Variants in PIWIL1 observed in about 807,000 individuals in gnomAD.
PIWIL1 encodes the protein piwi like RNA-mediated gene silencing 1.
In PIWIL1, 73 loss-of-function variants were observed where a neutral mutation model predicts 114.4. The ratio of observed to expected loss-of-function variants is 0.64; its 90% confidence interval spans 0.53 to 0.78. The LOEUF (loss-of-function observed/expected upper bound fraction) is 0.78. Among genes scored for constraint, PIWIL1 ranks in the 30% least tolerant of loss-of-function variants. The probability of loss-of-function intolerance (pLI) is 0.00; values close to 1 mark genes in which losing one functional copy is unlikely to be tolerated. For synonymous variants in PIWIL1, 375 were observed against 369.0 expected, an observed-to-expected ratio of 1.02 and a Z score of -0.19; for missense variants, 723 against 1,063.1, an observed-to-expected ratio of 0.68 and a Z score of 4.45.
the PIWIL1 span, among the ~76,000 whole-genome samples, chr12:130,393,845 G>A: frequency 3.3e-5 from 5 of 152,214 alleles, no homozygotes; most frequent in African/African-American, 1.2e-4. Context: ...GATAGAGACT[G>A]CAGCCCCCAC....
the PIWIL1 span, among the ~76,000 whole-genome samples, chr12:130,379,033 GA>G: frequency 6.6e-6 from 1 of 152,214 alleles, no homozygotes. Context: ...ATGCATGGTT[GA>G]AAATGTAATT....
the PIWIL1 span, among the ~76,000 whole-genome samples, chr12:130,411,324 C>T: frequency 6.6e-6 from 1 of 152,058 alleles, no homozygotes; most frequent in African/African-American, 2.4e-5. Context: ...CCTTCATTTC[C>T]AGTCTGTACA....
chr12:130,408,190 A>G, the PIWIL1 span, among the ~76,000 whole-genome samples: 1 of 152,176 alleles, frequency 6.6e-6, no homozygotes, highest in African/African-American at 2.4e-5. Flanking sequence ...GGCCCTGCAG[A>G]GTGCACGGTT....
chr12:130,407,906 C>G, the PIWIL1 span: 1 of 1,294,838 alleles, frequency 7.7e-7, no homozygotes, highest in African/African-American at 1.4e-5. Context: ...CCTTCCGGGT[C>G]ACACATGGCC....
At chr12:130,424,654 A>AG in the PIWIL1 span, 2 of 1,231,534 alleles carry the variant, frequency 1.6e-6, no homozygotes, top group African/African-American at 3.1e-5. The surrounding 1 kb of genome is among the most constrained non-coding windows in gnomAD (Gnocchi z 9.8). Context: ...TCGCCCCTGT[A>AG]GGGCCTGCCG....
the PIWIL1 span, among the ~76,000 whole-genome samples, chr12:130,388,604 T>TAAA: frequency 5.1e-3 from 776 of 152,366 alleles, 1 homozygote; most frequent in Non-Finnish European, 7.7e-3. Flanking sequence ...TTATCCCATT[T>TAAA]ACTTGAGTTT....
chr12:130,359,208 A>G (rs2136171591), intron 14 of PIWIL1, among the ~76,000 whole-genome samples: 1 of 152,332 alleles, frequency 6.6e-6, no homozygotes, highest in South Asian at 2.1e-4. Context: ...GTAGCAAAAT[A>G]GAGCCAGACT....
the PIWIL1 span, among the ~76,000 whole-genome samples, chr12:130,421,694 T>TGTGTGTGTGTGTG: frequency 6.6e-5 from 5 of 75,880 alleles, no homozygotes; most frequent in Middle Eastern, 0.017. Flanking sequence ...CATTTATATG[T>TGTGTGTGTGTGTG]GTGTGTGTGT....
the PIWIL1 span, chr12:130,426,060 AG>A: frequency 6.6e-6 from 1 of 152,304 alleles, no homozygotes; most frequent in African/African-American, 2.4e-5. Flanking sequence ...AACCATCCTT[AG>A]AGGACAGGGA....
chr12:130,394,365 G>A, the PIWIL1 span, among the ~76,000 whole-genome samples: 2 of 152,200 alleles, frequency 1.3e-5, no homozygotes, highest in African/African-American at 4.8e-5. Context: ...GGAGGTGCAC[G>A]GAGCCAGCCA....
In PIWIL1 at chr12:130,352,157, G is replaced by A. The variant is rs73448185; in HGVS notation, c.1044+2190G>A. The stretch of plus-strand genomic sequence containing the variant: ...GAAATAATTAATGAAAGAGGTTGAC[G>A]TTAAGATATTTAAAAGAATCAAAGC... On this transcript the variant is annotated intron_variant, in intron 9 of 20. Transcript: ENST00000245255. 6.3e-3 allele frequency among the ~76,000 whole-genome samples: 956 copies of A among 152,212 alleles called. 5 individuals carry two copies. Among genetic ancestry groups the A allele is most frequent in the African/African-American group, 0.013 (557 of 41,514 alleles).
exon 21 of PIWIL1, chr12:130,372,597 C>CAAA (rs60262232): frequency 5.9e-5 from 4 of 67,912 alleles, no homozygotes; most frequent in Admixed American, 1.6e-4. Flanking sequence ...GACTCCGTCT[C>CAAA]AAAAAAAAAA....
At chr12:130,400,050 A>G in the PIWIL1 span, among the ~76,000 whole-genome samples, 2 of 152,258 alleles carry the variant, frequency 1.3e-5, no homozygotes, top group East Asian at 1.9e-4. Flanking sequence ...GAGCTGAGGA[A>G]TCTGCCTTTT....
rs910648764 is a variant in PIWIL1, at chr12:130,338,139, G to C, written c.-20G>C. 7 of 307,226 alleles carry C rather than the reference G, an allele frequency of 2.3e-5. No homozygotes were observed. Among genetic ancestry groups the C allele is most frequent in the African/African-American group, 1.6e-4 (7 of 42,516 alleles). 19.0% of individuals were successfully genotyped at this position (307,226 alleles called of 1,614,324 possible). On this transcript the variant is annotated 5_prime_UTR_variant, in exon 1 of 21. Coordinates refer to ENST00000245255, the MANE Select transcript of PIWIL1 (RefSeq NM_004764.5). ...GGACCAGGACTAGGGCGAGGGCAGCGGTCCAAGGTGCGGGGCCAGGCTGAG... is the reference window on the plus strand; with the variant it reads ...GGACCAGGACTAGGGCGAGGGCAGCCGTCCAAGGTGCGGGGCCAGGCTGAG...
the PIWIL1 span, chr12:130,383,550 G>T: frequency 6.6e-6 from 1 of 152,152 alleles, no homozygotes; most frequent in African/African-American, 2.4e-5. Flanking sequence ...CTCCAGATTT[G>T]CTAGTGATAG....
rs754673987 is a variant in PIWIL1, at chr12:130,354,984, G to A, written c.1268G>A (p.Arg423Gln). 2.5e-6 allele frequency: 4 copies of A among 1,606,990 alleles called. No individual in the cohort carries two copies. The South Asian group carries it at 3.3e-5, about 13-fold the overall frequency. The part of the protein sequence containing the change: ...TPEQRQREVG[R>Q]LIDYIHKNDN... ...GAGCAAAGGCAGCGTGAAGTGGGAC[G>A]ACTCATTGATTACATTCATAAGTAA... Residue 423 changes from arginine (R) to glutamine (Q), a missense_variant, in exon 11 of 21, where the codon CGA (arginine) becomes CAA (glutamine). By Grantham distance (43) the Arg-to-Gln change is conservative (BLOSUM62 1). Coordinates refer to ENST00000245255, the MANE Select transcript of PIWIL1 (RefSeq NM_004764.5).
chr12:130,413,520 C>G, the PIWIL1 span, among the ~76,000 whole-genome samples: 5 of 151,598 alleles, frequency 3.3e-5, no homozygotes, highest in Admixed American at 2.0e-4. Flanking sequence ...GTGTTCCCAG[C>G]TACTCGGGAG....
chr12:130,404,876 C>T, the PIWIL1 span, among the ~76,000 whole-genome samples: 1 of 152,006 alleles, frequency 6.6e-6, no homozygotes, highest in Non-Finnish European at 1.5e-5. Context: ...TGTTAAAGTC[C>T]ATAAATACTC....
In PIWIL1 at chr12:130,361,584, C is replaced by T; in HGVS notation, c.1953C>T (p.Ile651=). ...RRSIAGFVAS[I]NEGMTRWFSR... is the part of the protein sequence containing the mutation. ...CAATCGCAGGATTTGTTGCCAGCAT[C>T]AATGAAGGGATGACCCGGTGAGTGA... Residue 651 remains isoleucine, a synonymous_variant, in exon 16 of 21, where the codon ATC becomes ATT. Coordinates refer to ENST00000245255, the MANE Select transcript of PIWIL1 (RefSeq NM_004764.5). 6.2e-7 allele frequency: 1 copy of T among 1,614,032 alleles called. No homozygotes were observed. Among genetic ancestry groups the T allele is most frequent in the Non-Finnish European group, 8.5e-7 (1 of 1,179,956 alleles).
Sources: allele counts gnomAD v4.1 joint callset (sites outside exome capture counted in the v4.1 genomes callset), GRCh38; gene constraint gnomAD v4.1.1; non-coding constraint Gnocchi (gnomAD v3.1); transcripts MANE v1.5; gene names NCBI Gene and HGNC (gene_info 2026-07-23, HGNC 2026-07-21).